Variants in MTHFD2L observed in about 807,000 individuals in gnomAD.
MTHFD2L encodes the protein methylenetetrahydrofolate dehydrogenase (NADP+ dependent) 2 like.
A neutral mutation model predicts 34.9 loss-of-function variants in MTHFD2L; 29 were observed. That is an observed-to-expected ratio of 0.83 (90% CI 0.62 to 1.13). The LOEUF is 1.13. MTHFD2L is among the 50% of genes most tolerant of loss of function. MTHFD2L has a pLI of 0.00. For missense variants in MTHFD2L, 481 were observed against 446.5 expected (o/e 1.08, Z -0.70); for synonymous variants, 167 against 155.7 (o/e 1.07, Z -0.54).
chr4:74,123,848 C>T (rs1721886999), upstream of MTHFD2L, among the ~76,000 whole-genome samples: 1 of 152,088 alleles, frequency 6.6e-6, no homozygotes, highest in African/African-American at 2.4e-5. Context: ...GGGCCCTAGG[C>T]ACTATGCCTA....
At chr4:74,171,929 C>T (rs935011532) in intron 1 of MTHFD2L, among the ~76,000 whole-genome samples, 2 of 48,270 alleles carry the variant, frequency 4.1e-5, no homozygotes, top group East Asian at 6.2e-4. Context: ...TAATTACAAT[C>T]GAATGGATAA....
At chr4:74,115,355 C>A (rs897483379) in intron 2 of MTHFD2L, among the ~76,000 whole-genome samples, 21 of 152,294 alleles carry the variant, frequency 1.4e-4, no homozygotes, top group African/African-American at 4.8e-4. Context: ...AGTTATAGAT[C>A]CAGACACCAA....
intron 1 of MTHFD2L, among the ~76,000 whole-genome samples, chr4:74,126,745 T>G (rs760373334): frequency 3.9e-5 from 6 of 152,170 alleles, no homozygotes; most frequent in Non-Finnish European, 7.4e-5. Context: ...TGTCATGTAC[T>G]TGTATGATTA....
At chr4:74,115,590 G>C (rs1721643613) in intron 2 of MTHFD2L, among the ~76,000 whole-genome samples, 1 of 152,200 alleles carries the variant, frequency 6.6e-6, no homozygotes, top group African/African-American at 2.4e-5. Flanking sequence ...TGCCTTCATG[G>C]GCAGAAATTA....
intron 2 of MTHFD2L, among the ~76,000 whole-genome samples, chr4:74,116,854 A>G (rs1721662912): frequency 6.6e-6 from 1 of 152,210 alleles, no homozygotes; most frequent in Non-Finnish European, 1.5e-5. Flanking sequence ...CTAGGCATAT[A>G]GATACCGTTC....
chr4:74,125,731 T>C (rs936157420), intron 1 of MTHFD2L, among the ~76,000 whole-genome samples: 1 of 152,132 alleles, frequency 6.6e-6, no homozygotes, highest in Admixed American at 6.6e-5. Flanking sequence ...TGTAGAGCAA[T>C]ATAGCAAACC....
intron 1 of MTHFD2L, among the ~76,000 whole-genome samples, chr4:74,139,846 T>C (rs1723173126): frequency 6.6e-6 from 1 of 152,230 alleles, no homozygotes; most frequent in African/African-American, 2.4e-5. Flanking sequence ...CCTAGATTAG[T>C]AAATGTTTGT....
intron 6 of MTHFD2L, among the ~76,000 whole-genome samples, chr4:74,270,588 G>C (rs1173736262): frequency 2.0e-5 from 3 of 152,138 alleles, no homozygotes. Context: ...CATTTGGGTT[G>C]GTTCCAAGTC....
intron 7 of MTHFD2L, among the ~76,000 whole-genome samples, chr4:74,286,585 G>T (rs1276200437): frequency 6.6e-6 from 1 of 152,122 alleles, no homozygotes; most frequent in Non-Finnish European, 1.5e-5. Flanking sequence ...TTCATCAAAT[G>T]GATTTGATCA....
At chr4:74,163,693 G>A (rs1725960060) in intron 1 of MTHFD2L, among the ~76,000 whole-genome samples, 1 of 152,134 alleles carries the variant, frequency 6.6e-6, no homozygotes, top group African/African-American at 2.4e-5. Flanking sequence ...CCCTATACTG[G>A]TGATTGGTTT....
chr4:74,209,496 C>T (rs751049988), intron 5 of MTHFD2L, among the ~76,000 whole-genome samples: 3 of 152,206 alleles, frequency 2.0e-5, no homozygotes, highest in East Asian at 1.9e-4. Context: ...TTTCTAGCTT[C>T]ATCCATGTCC....
chr4:74,153,176 G>C (rs1724048989), upstream of MTHFD2L, among the ~76,000 whole-genome samples: 1 of 152,132 alleles, frequency 6.6e-6, no homozygotes, highest in Admixed American at 6.6e-5. Context: ...TACCAACTCT[G>C]GTTGCCTCAC....
intron 3 of MTHFD2L, among the ~76,000 whole-genome samples, chr4:74,186,438 G>GGAAAA (rs374452148): frequency 3.4e-4 from 30 of 88,194 alleles, no homozygotes; most frequent in African/African-American, 1.0e-3. Context: ...GGGAATCCAT[G>GGAAAA]AAAAAAAAAA....
intron 6 of MTHFD2L, among the ~76,000 whole-genome samples, chr4:74,257,889 C>T (rs1744224549): frequency 6.6e-6 from 1 of 152,066 alleles, no homozygotes; most frequent in Non-Finnish European, 1.5e-5. Flanking sequence ...TCCACATACA[C>T]ACACACATAC....
rs969719632 is a variant in MTHFD2L at position 74,190,507 on chromosome 4, G to A, written c.452-9287G>A. 1.4e-5 allele frequency: 14 copies of A among 985,292 alleles called. No individual in the cohort carries two copies. The South Asian group carries it at 3.3e-4, about 23-fold the overall frequency. 61.0% of individuals were successfully genotyped at this position (985,292 alleles called of 1,614,324 possible). ...TGGAGAACCAGACCCACCTTTTTCC[G>A]GCCTAGAGAACTCCTTCCAGTCTAC... is the stretch of plus-strand genomic sequence containing the variant. On this transcript the variant is annotated intron_variant, in intron 3 of 7. Coordinates refer to ENST00000325278, the MANE Select transcript of MTHFD2L (RefSeq NM_001144978.3).
intron 7 of MTHFD2L, among the ~76,000 whole-genome samples, chr4:74,292,552 C>T (rs1489127302): frequency 2.0e-4 from 31 of 151,642 alleles, no homozygotes; most frequent in Admixed American, 2.0e-3. Context: ...TACAAATATT[C>T]AGTGACTTCA....
chr4:74,157,949 G>C (rs1724465265), upstream of MTHFD2L: 9 of 901,362 alleles, frequency 1.0e-5, no homozygotes, highest in East Asian at 2.4e-4. Flanking sequence ...TGCGGACCCG[G>C]CACTCTGTCA....
At chr4:74,157,738 C>T (rs1490151230), upstream of MTHFD2L, 6 of 468,748 alleles carry the variant, frequency 1.3e-5, no homozygotes, top group East Asian at 4.0e-4. Context: ...TCCACGTAGT[C>T]ACGGAGACTG....
At chr4:74,194,167 T>C (rs1447358854) in intron 3 of MTHFD2L, 2 of 152,308 alleles carry the variant, frequency 1.3e-5, no homozygotes, top group South Asian at 2.1e-4. Flanking sequence ...TGTGTGTTTG[T>C]TCAGGGGTCA....
Sources: allele counts gnomAD v4.1 joint callset (sites outside exome capture counted in the v4.1 genomes callset), GRCh38; gene constraint gnomAD v4.1.1; transcripts MANE v1.5; gene names NCBI Gene and HGNC (gene_info 2026-07-23, HGNC 2026-07-21).